Variants in FOXN2 observed in about 807,000 individuals in gnomAD.
FOXN2 encodes the protein forkhead box N2, also known as forkhead box protein N2.
In FOXN2, 19 loss-of-function variants were observed where a neutral mutation model predicts 41.2. That is an observed-to-expected ratio of 0.46 (90% CI 0.32 to 0.68). The LOEUF (loss-of-function observed/expected upper bound fraction) is 0.68, where lower values mean the gene tolerates loss of function less well. Among genes scored for constraint, FOXN2 ranks in the 30% least tolerant of loss-of-function variants. The pLI, the probability that FOXN2 is intolerant of heterozygous loss-of-function variation, is 0.03. For missense variants in FOXN2, 587 were observed against 509.4 expected, an observed-to-expected ratio of 1.15 and a Z score of -1.47; for synonymous variants, 195 against 176.8, an observed-to-expected ratio of 1.10 and a Z score of -0.82.
chr2:48,321,973 G>A (rs901464583), intron 1 of FOXN2, among the ~76,000 whole-genome samples: 1 of 152,142 alleles, frequency 6.6e-6, no homozygotes, highest in Non-Finnish European at 1.5e-5. Flanking sequence ...TTTTGAGATG[G>A]AGTCTTGCTT....
chr2:48,318,255 C>T (rs1206869847), intron 1 of FOXN2, among the ~76,000 whole-genome samples: 1 of 152,162 alleles, frequency 6.6e-6, no homozygotes, highest in Non-Finnish European at 1.5e-5. Flanking sequence ...GCTAATTTTT[C>T]CCTAATGTCT....
rs1384595411 is a variant in FOXN2 at position 48,358,688 on chromosome 2, AAAGGAGT to A, written c.538-357_538-351del. Reference sequence around the variant, plus strand: ...ATCATAGAAGATTTGATACACGCAAAAAGGAGTATGAGAATGGGAAACAAGTAAATTT... The same window carrying A: ...ATCATAGAAGATTTGATACACGCAAAATGAGAATGGGAAACAAGTAAATTT... On this transcript the variant is annotated intron_variant, in intron 3 of 6. Coordinates refer to ENST00000340553, the MANE Select transcript of FOXN2 (RefSeq NM_002158.4). Among the ~76,000 whole-genome samples, 3 of 152,228 alleles carry A rather than the reference AAAGGAGT, an allele frequency of 2.0e-5. No individual in the cohort carries two copies. The East Asian group carries it at 5.8e-4, about 29-fold the overall frequency.
intron 1 of FOXN2, among the ~76,000 whole-genome samples, chr2:48,324,553 G>C (rs1370706707): frequency 3.3e-5 from 5 of 151,908 alleles, no homozygotes; most frequent in Non-Finnish European, 7.4e-5. Context: ...TCTTTGTTTA[G>C]TTAAAACAAA....
chr2:48,354,854 G>T (rs1304331042), intron 3 of FOXN2, among the ~76,000 whole-genome samples: 3 of 152,192 alleles, frequency 2.0e-5, no homozygotes, highest in East Asian at 3.8e-4. Context: ...TACTAGTAAT[G>T]TGTGTGAGGG....
Position 48,326,798 on chromosome 2 carries a change from G to T in FOXN2, c.-156-1763G>T, listed in dbSNP as rs147465551. On this transcript the variant is annotated intron_variant, in intron 1 of 6. Transcript: ENST00000340553. ...AATTACCTTCAGGCTATTTGTATAAGATATATATGAAACATAAATGAATAT... is the reference window on the plus strand; with the variant it reads ...AATTACCTTCAGGCTATTTGTATAATATATATATGAAACATAAATGAATAT... Among the ~76,000 whole-genome samples, 578 of 152,216 alleles carry T rather than the reference G, an allele frequency of 3.8e-3. 4 individuals are homozygous for T. The highest frequency in any genetic ancestry group is 6.9e-3 in the Non-Finnish European group (468 of 67,996).
intron 2 of FOXN2, among the ~76,000 whole-genome samples, chr2:48,334,601 C>T (rs1572713981): frequency 6.6e-6 from 1 of 152,286 alleles, no homozygotes; most frequent in East Asian, 1.9e-4. Context: ...CATCAGTGCT[C>T]TGGCGCAAAG....
intron 1 of FOXN2, among the ~76,000 whole-genome samples, chr2:48,320,943 C>T (rs1159691098): frequency 2.0e-5 from 3 of 152,024 alleles, no homozygotes; most frequent in Middle Eastern, 3.4e-3. Flanking sequence ...TCAGAGATTG[C>T]CTAAGTATGT....
intron 1 of FOXN2, among the ~76,000 whole-genome samples, chr2:48,321,822 T>A (rs958378941): frequency 3.9e-5 from 6 of 152,188 alleles, no homozygotes; most frequent in African/African-American, 1.4e-4. Context: ...AATATGTATG[T>A]ATATTGTGGG....
At chr2:48,321,565 G>T (rs186539364) in intron 1 of FOXN2, among the ~76,000 whole-genome samples, 2 of 151,888 alleles carry the variant, frequency 1.3e-5, no homozygotes, top group Admixed American at 6.6e-5. Flanking sequence ...ATTTTATGTG[G>T]TAAGGGTAAA....
At chr2:48,318,033 A>G (rs964356300) in intron 1 of FOXN2, among the ~76,000 whole-genome samples, 6 of 152,176 alleles carry the variant, frequency 3.9e-5, no homozygotes, top group African/African-American at 9.7e-5. Flanking sequence ...TGATCCATAT[A>G]TACTTTATTT....
chr2:48,346,580 T>C lies in FOXN2; in HGVS notation c.366T>C (p.Tyr122=), dbSNP rs1671116662. ...CATACTCCTTTAGTCTTCTCATTTA[T>C]ATGGCCATTGAGCACTCTCCAAATA... ...KPPYSFSLLI[Y]MAIEHSPNKC... is the part of the protein sequence containing the mutation. Residue 122 remains tyrosine (Y), a synonymous_variant, in exon 3 of 7, where the codon TAT becomes TAC. Coordinates refer to ENST00000340553, the MANE Select transcript of FOXN2 (RefSeq NM_002158.4). 2 of 1,613,928 alleles carry C rather than the reference T, an allele frequency of 1.2e-6. No homozygotes were observed. Among genetic ancestry groups the C allele is most frequent in the Non-Finnish European group, 1.7e-6 (2 of 1,179,946 alleles).
intron 2 of FOXN2, among the ~76,000 whole-genome samples, chr2:48,333,418 G>A (rs867833670): frequency 2.6e-5 from 4 of 151,842 alleles, no homozygotes; most frequent in Middle Eastern, 3.4e-3. Flanking sequence ...ATACATTTAG[G>A]TACTTCTGAC....
rs750615664 is a variant in FOXN2 at position 48,344,390 on chromosome 2, T to C, written c.-14-1811T>C. ...TTTAAAATGAATAGGATTTGAGTCA[T>C]TGGTGCTCATGGGTGTTGTGTACAT... is the stretch of plus-strand genomic sequence containing the variant. On this transcript the variant is annotated intron_variant, in intron 2 of 6. Coordinates refer to ENST00000340553, the MANE Select transcript of FOXN2 (RefSeq NM_002158.4). Among the ~76,000 whole-genome samples the C allele has an allele frequency of 1.7e-4, 26 of 152,190 alleles. 1 individual carries two copies. Among genetic ancestry groups the C allele is most frequent in the Non-Finnish European group, 2.9e-4 (20 of 68,016 alleles).
Position 48,375,532 on chromosome 2 carries a change from G to A in FOXN2, c.*89G>A. The A allele has an allele frequency of 7.1e-6, 9 of 1,260,456 alleles. No individual in the cohort carries two copies. In the South Asian group the frequency reaches 1.1e-4, roughly 15 times the overall value. 78.1% of individuals were successfully genotyped at this position (1,260,456 alleles called of 1,614,324 possible). A position where few individuals can be genotyped will look rare whatever the true frequency, so the allele number is the denominator to read the frequency against. On this transcript the variant is annotated 3_prime_UTR_variant, in exon 7 of 7. Transcript: ENST00000340553. ...TGGACTTCATTAGTTTTAGGGTAGG[G>A]AAGGGATACTAATTACTTATTTCTT... is the stretch of plus-strand genomic sequence containing the variant.
rs999946760 is a variant in FOXN2, at chr2:48,359,081, C to T, written c.572C>T (p.Pro191Leu). 23 of 1,612,498 alleles carry T rather than the reference C, an allele frequency of 1.4e-5. No homozygotes were observed. Among genetic ancestry groups the T allele is most frequent in the African/African-American group, 8.0e-5 (6 of 74,602 alleles). Reference sequence around the variant, plus strand: ...AAAGGTTCCTTATGGTGTGTTGATCCGGAATATAAACCCAATCTTATCCAG... The same window carrying T: ...AAAGGTTCCTTATGGTGTGTTGATCTGGAATATAAACCCAATCTTATCCAG... ...NGKGSLWCVD[P>L]EYKPNLIQAL... The change falls in exon 4 of 7, where the codon CCG (proline) becomes CTG (leucine). Residue 191 changes from proline (P) to leucine (L), a missense_variant. Transcript: ENST00000340553.
At chr2:48,336,189 A>G (rs1054446228) in intron 2 of FOXN2, among the ~76,000 whole-genome samples, 4 of 152,000 alleles carry the variant, frequency 2.6e-5, no homozygotes, top group African/African-American at 9.7e-5. Context: ...AGATCACTTG[A>G]GGTCAGGAGT....
chr2:48,349,604 T>C (rs1225528711), intron 3 of FOXN2, among the ~76,000 whole-genome samples: 1 of 152,126 alleles, frequency 6.6e-6, no homozygotes, highest in African/African-American at 2.4e-5. Flanking sequence ...AGAAGCCCTG[T>C]CTCTACGAAA....
intron 3 of FOXN2, among the ~76,000 whole-genome samples, chr2:48,356,776 A>G (rs1671821147): frequency 6.6e-6 from 1 of 152,176 alleles, no homozygotes; most frequent in African/African-American, 2.4e-5. Context: ...AGTCTTTACC[A>G]CTTCTGTTAA....
At chr2:48,340,567 G>A (rs911981841) in intron 2 of FOXN2, 3 of 152,012 alleles carry the variant, frequency 2.0e-5, no homozygotes, top group African/African-American at 4.8e-5. Flanking sequence ...TCAAGATACC[G>A]CCATGGCAGG....
Sources: gnomAD v4.1 joint callset for allele counts (sites outside exome capture counted in the v4.1 genomes callset) on GRCh38, gnomAD v4.1.1 for gene constraint, MANE v1.5 for transcripts, NCBI Gene and HGNC (gene_info 2026-07-23, HGNC 2026-07-21) for gene names.